PHYHD1: variants seen among roughly 807,000 people sequenced by gnomAD.
PHYHD1 encodes phytanoyl-CoA dioxygenase domain-containing protein 1.
Under a neutral mutation model 43.6 loss-of-function variants are expected in PHYHD1, and 42 were observed. The observed-to-expected ratio is 0.96, with a 90% CI of 0.75 to 1.25. The LOEUF (loss-of-function observed/expected upper bound fraction) is 1.25, where lower values mean the gene tolerates loss of function less well. Among genes scored for constraint, PHYHD1 ranks in the 50% most tolerant of loss-of-function variants. The pLI, the probability that PHYHD1 is intolerant of heterozygous loss-of-function variation, is 0.00. For synonymous variants in PHYHD1, 139 were observed against 143.6 expected (o/e 0.97, Z 0.23); for missense variants, 342 against 370.8 (o/e 0.92, Z 0.64).
At chr9:128,930,968 C>T (rs1418896260) in intron 4 of PHYHD1, among the ~76,000 whole-genome samples, 1 of 146,826 alleles carries the variant, frequency 6.8e-6, no homozygotes, top group African/African-American at 2.5e-5. Context: ...AAAAAAAAGG[C>T]ACCTCAATTT....
intron 6 of PHYHD1, among the ~76,000 whole-genome samples, chr9:128,936,074 C>G (rs1413567410): frequency 6.6e-6 from 1 of 152,076 alleles, no homozygotes; most frequent in African/African-American, 2.4e-5. Flanking sequence ...TTCTTCTAAT[C>G]CTCATTTGAC....
intron 4 of PHYHD1, among the ~76,000 whole-genome samples, chr9:128,928,462 G>A (rs1841192587): frequency 6.6e-6 from 1 of 152,144 alleles, no homozygotes; most frequent in Non-Finnish European, 1.5e-5. Flanking sequence ...CAGCACTTTG[G>A]GAGGCCGAGG....
chr9:128,931,591 C>G (rs1841278114), intron 4 of PHYHD1, among the ~76,000 whole-genome samples: 1 of 152,120 alleles, frequency 6.6e-6, no homozygotes, highest in African/African-American at 2.4e-5. Context: ...GTGGCGCGAT[C>G]TCGGCTCACT....
intron 8 of PHYHD1, among the ~76,000 whole-genome samples, chr9:128,937,261 GAA>G (rs76089520): frequency 6.9e-6 from 1 of 145,800 alleles, no homozygotes. Flanking sequence ...CAAAAAGGAA[GAA>G]AAAAAAAAAG....
chr9:128,926,021 G>A lies in PHYHD1; in HGVS notation c.34-1017G>A, dbSNP rs144573742. ...CAGTAAATTTACCTGTGTGGTTAGTGTAATGCCGGTCTCTTTCACTAGACT... is the reference window on the plus strand; with the variant it reads ...CAGTAAATTTACCTGTGTGGTTAGTATAATGCCGGTCTCTTTCACTAGACT... On this transcript the variant is annotated intron_variant, in intron 3 of 12. Coordinates refer to ENST00000372592, the MANE Select transcript of PHYHD1 (RefSeq NM_001100876.2). Among the ~76,000 whole-genome samples, 565 of 152,294 alleles carry A rather than the reference G, an allele frequency of 3.7e-3. 1 individual carries two copies. Among genetic ancestry groups the A allele is most frequent in the African/African-American group, 0.012 (498 of 41,556 alleles).
At chr9:128,930,186 A>T (rs1411318887) in intron 4 of PHYHD1, among the ~76,000 whole-genome samples, 1 of 151,690 alleles carries the variant, frequency 6.6e-6, no homozygotes, top group Non-Finnish European at 1.5e-5. Context: ...AGGCTGAGAC[A>T]GGAGGATAGC....
chr9:128,924,977 G>A (rs1159902753), intron 3 of PHYHD1, among the ~76,000 whole-genome samples: 1 of 152,170 alleles, frequency 6.6e-6, no homozygotes, highest in Non-Finnish European at 1.5e-5. Context: ...AGCTGTATTT[G>A]TGTATTTACT....
intron 6 of PHYHD1, 63 bp downstream of exon 6, chr9:128,934,121 C>A: frequency 6.6e-7 from 1 of 1,526,568 alleles, no homozygotes; most frequent in Non-Finnish European, 9.0e-7. Flanking sequence ...TGGTGGCTTA[C>A]ACTTGTAATC....
rs1258300033 is a variant in PHYHD1 at position 128,932,184 on chromosome 9, A to ATTTTTT, written c.193-1591_193-1586dup. The stretch of plus-strand genomic sequence containing the variant: ...TATTATTATTGTTATTATTATTATT[A>ATTTTTT]TTTTTTTTTTTTGAGATGGAGTCTC... On this transcript the variant is annotated intron_variant, in intron 4 of 12. Coordinates refer to ENST00000372592, the MANE Select transcript of PHYHD1 (RefSeq NM_001100876.2). Among the ~76,000 whole-genome samples, 35 of 108,664 alleles carry ATTTTTT rather than the reference A, an allele frequency of 3.2e-4. 1 individual carries two copies. The highest frequency in any genetic ancestry group is 5.3e-4 in the Non-Finnish European group (31 of 58,558). The allele number at this position is 108,664 out of a possible 152,430, so 71.3% of individuals were successfully genotyped here. A position where few individuals can be genotyped will look rare whatever the true frequency, so the allele number is the denominator to read the frequency against.
Position 128,939,322 on chromosome 9 carries a change from G to A in PHYHD1, c.458-1047G>A, listed in dbSNP as rs1219138226. ...TGGCCAGGAGTGGTGGCTCACGCTT[G>A]TAATCCCAGCACTTTGGGAGGCCGA... On this transcript the variant is annotated intron_variant, in intron 9 of 12. Transcript: ENST00000372592. Among the ~76,000 whole-genome samples the A allele has an allele frequency of 1.6e-5, 2 of 128,756 alleles. 1 individual carries two copies. The highest frequency in any genetic ancestry group is 3.6e-5 in the Non-Finnish European group (2 of 55,508). 84.5% of individuals were successfully genotyped at this position (128,756 alleles called of 152,430 possible).
At position 128,922,302 on chromosome 9, in the gene PHYHD1, G is replaced by A. The variant is rs770934543; in HGVS notation, c.-22G>A. The A allele has an allele frequency of 2.6e-6, 4 of 1,550,894 alleles. No individual in the cohort carries two copies. The highest frequency in any genetic ancestry group is 2.4e-5 in the South Asian group (2 of 83,950). On this transcript the variant is annotated 5_prime_UTR_variant, in exon 3 of 13. Coordinates refer to ENST00000372592, the MANE Select transcript of PHYHD1 (RefSeq NM_001100876.2). ...CACCAGGAGGCCGCGCTTAGAAGCC[G>A]CCCAGTGCCCTGAGCGTCTCCATGG... is the stretch of plus-strand genomic sequence containing the variant.
chr9:128,937,206 G>A (rs1841445339), intron 8 of PHYHD1, among the ~76,000 whole-genome samples: 1 of 151,736 alleles, frequency 6.6e-6, no homozygotes, highest in Non-Finnish European at 1.5e-5. Flanking sequence ...TTGAACCCAG[G>A]AGTTTGAGAC....
chr9:128,922,105 T>C (rs1436609606), intron 2 of PHYHD1, 58 bp downstream of exon 2: 1 of 556,982 alleles, frequency 1.8e-6, no homozygotes, highest in Admixed American at 3.5e-5. Context: ...GATAAAATCC[T>C]TGGAGATGGG....
intron 9 of PHYHD1, chr9:128,938,016 G>A (rs1359642477): frequency 2.9e-6 from 4 of 1,370,976 alleles, no homozygotes; most frequent in Non-Finnish European, 3.8e-6. Flanking sequence ...TAAAAATATA[G>A]ATTTCCTAGG....
Position 128,941,467 on chromosome 9 carries a change from A to C in PHYHD1, c.726A>C (p.Gly242=). The change falls in exon 12 of 13, where the codon GGA becomes GGC. Residue 242 remains glycine (G), a synonymous_variant. Coordinates refer to ENST00000372592, the MANE Select transcript of PHYHD1 (RefSeq NM_001100876.2). ...VQRGALVLIH[G]EVVHKSKQNL... ...CAGGGGCCCTGGTCCTCATCCATGG[A>C]GAAGTGGTACACAAGAGCAAGCAGA... 1 of 1,613,876 alleles carries C rather than the reference A, an allele frequency of 6.2e-7. No individual in the cohort carries two copies. Among genetic ancestry groups the C allele is most frequent in the African/African-American group, 1.3e-5 (1 of 75,004 alleles).
intron 4 of PHYHD1, among the ~76,000 whole-genome samples, chr9:128,933,250 T>G (rs1841343640): frequency 6.7e-6 from 1 of 150,116 alleles, no homozygotes; most frequent in Admixed American, 6.7e-5. Flanking sequence ...GCCTCCCATG[T>G]TCAAGTTATT....
chr9:128,930,294 A>C (rs1448750955), intron 4 of PHYHD1, among the ~76,000 whole-genome samples: 1 of 151,266 alleles, frequency 6.6e-6, no homozygotes, highest in African/African-American at 2.4e-5. Context: ...AAAAAAAAAA[A>C]ATTAGGCATG....
intron 3 of PHYHD1, among the ~76,000 whole-genome samples, chr9:128,925,464 A>G (rs1841110737): frequency 6.6e-6 from 1 of 151,976 alleles, no homozygotes; most frequent in African/African-American, 2.4e-5. Context: ...GACCTCAAGC[A>G]ATCCACCCAG....
intron 4 of PHYHD1, 102 bp from the exon 5 acceptor site, chr9:128,933,680 A>G: frequency 7.8e-7 from 1 of 1,274,780 alleles, no homozygotes; most frequent in Non-Finnish European, 1.1e-6. Context: ...GGTGTCTGTA[A>G]CCCTGTGAGG....
Sources: allele counts gnomAD v4.1 joint callset (sites outside exome capture counted in the v4.1 genomes callset), GRCh38; gene constraint gnomAD v4.1.1; transcripts MANE v1.5; gene names NCBI Gene and HGNC (gene_info 2026-07-23, HGNC 2026-07-21).